Variants in EYS observed in about 807,000 individuals in gnomAD.
The protein encoded by EYS is EGF-like photoreceptor maintenance factor, also known as protein eyes shut homolog.
Under a neutral mutation model 282.1 loss-of-function variants are expected in EYS, and 250 were observed. The ratio of observed to expected loss-of-function variants is 0.89; its 90% CI spans 0.80 to 0.98. EYS has a LOEUF of 0.98. Ranked by LOEUF, EYS falls within the 50% of genes least tolerant of loss-of-function variation. The pLI is 0.00. For synonymous variants in EYS, 1,355 were observed against 1,282.9 expected (o/e 1.06, Z -1.20); for missense variants, 4,016 against 3,709.0 (o/e 1.08, Z -2.15).
At chr6:64,524,116 A>G (rs953028267) in intron 26 of EYS, among the ~76,000 whole-genome samples, 2 of 151,720 alleles carry the variant, frequency 1.3e-5, no homozygotes, top group East Asian at 3.9e-4. Flanking sequence ...ACCATAACCA[A>G]TGCTAATAAC....
Position 65,121,997 on chromosome 6 carries a change from A to T in EYS, c.2024-64270T>A, listed in dbSNP as rs185742587. 8.5e-4 allele frequency among the ~76,000 whole-genome samples: 130 copies of T among 152,264 alleles called. 4 individuals are homozygous for T. The highest frequency in any genetic ancestry group is 8.4e-3 in the Admixed American group (129 of 15,298). ...TGGAAAAAAAGTCATAAAATTTCTT[A>T]TATCATGCCTTATGCCTAATATATT... is the stretch of plus-strand genomic sequence containing the variant. On this transcript the variant is annotated intron_variant, in intron 12 of 42. Coordinates refer to ENST00000503581, the MANE Select transcript of EYS (RefSeq NM_001142800.2).
chr6:64,625,583 T>C (rs564472287), intron 23 of EYS, among the ~76,000 whole-genome samples: 52 of 152,338 alleles, frequency 3.4e-4, no homozygotes, highest in African/African-American at 1.2e-3. Flanking sequence ...TTTACTCTCA[T>C]GACCTAATCA....
chr6:64,537,675 G>A (rs1764568778), intron 26 of EYS, among the ~76,000 whole-genome samples: 1 of 151,962 alleles, frequency 6.6e-6, no homozygotes, highest in Non-Finnish European at 1.5e-5. Flanking sequence ...GTATTTTTTA[G>A]AGACTTCATG....
At chr6:65,694,473 A>T (rs1769365642) in intron 1 of EYS, among the ~76,000 whole-genome samples, 2 of 149,154 alleles carry the variant, frequency 1.3e-5, no homozygotes, top group African/African-American at 4.9e-5. Flanking sequence ...GTATATTTTT[A>T]AAAAGACAAA....
At chr6:65,621,765 T>C (rs889720921) in intron 2 of EYS, among the ~76,000 whole-genome samples, 2 of 152,144 alleles carry the variant, frequency 1.3e-5, no homozygotes, top group African/African-American at 4.8e-5. Context: ...ACAAAATCTC[T>C]CAGCATTTGC....
intron 19 of EYS, among the ~76,000 whole-genome samples, chr6:64,854,280 G>C (rs535126653): frequency 7.2e-5 from 11 of 152,160 alleles, no homozygotes; most frequent in Non-Finnish European, 1.5e-4. Flanking sequence ...AAATCATGCT[G>C]CTATAAAGAC....
chr6:65,500,318 G>A (rs1417540835), intron 2 of EYS, among the ~76,000 whole-genome samples: 1 of 152,018 alleles, frequency 6.6e-6, no homozygotes, highest in East Asian at 1.9e-4. Context: ...AGAGACAAGT[G>A]AAAGAAGGTA....
chr6:64,220,022 G>T (rs537895825), intron 31 of EYS, among the ~76,000 whole-genome samples: 18 of 152,134 alleles, frequency 1.2e-4, no homozygotes, highest in African/African-American at 4.3e-4. Flanking sequence ...CACACACCAG[G>T]GCCTATTGTG....
intron 35 of EYS, among the ~76,000 whole-genome samples, chr6:63,904,292 A>T (rs1461982912): frequency 6.6e-6 from 1 of 152,060 alleles, no homozygotes; most frequent in African/African-American, 2.4e-5. Flanking sequence ...TTTATTTCTC[A>T]TATTCATCTT....
intron 2 of EYS, among the ~76,000 whole-genome samples, chr6:65,586,629 G>A (rs1202434591): frequency 6.6e-6 from 1 of 152,080 alleles, no homozygotes; most frequent in Non-Finnish European, 1.5e-5. Flanking sequence ...GCATAAAGAA[G>A]TGTGTTCATG....
chr6:64,232,766 A>C (rs1358021704), intron 30 of EYS, among the ~76,000 whole-genome samples: 1 of 152,162 alleles, frequency 6.6e-6, no homozygotes, highest in Non-Finnish European at 1.5e-5. Flanking sequence ...TAGCTCCATT[A>C]TGTAACTCTT....
At chr6:64,814,469 A>C (rs1764689394) in intron 21 of EYS, among the ~76,000 whole-genome samples, 1 of 152,030 alleles carries the variant, frequency 6.6e-6, no homozygotes, top group Non-Finnish European at 1.5e-5. Flanking sequence ...CCAAGGGCTC[A>C]GTCAGCCTCT....
chr6:64,778,940 C>T (rs2149991900), intron 22 of EYS, among the ~76,000 whole-genome samples: 1 of 152,182 alleles, frequency 6.6e-6, no homozygotes, highest in African/African-American at 2.4e-5. Context: ...CAAATTAAAA[C>T]ATCACTACAT....
intron 35 of EYS, among the ~76,000 whole-genome samples, chr6:63,891,841 C>G (rs1441783416): frequency 6.6e-6 from 1 of 152,206 alleles, no homozygotes; most frequent in East Asian, 1.9e-4. Context: ...CCCATTGTCT[C>G]AGCCCAAAAT....
chr6:64,028,465 C>T (rs1024531342), intron 33 of EYS, among the ~76,000 whole-genome samples: 1 of 152,194 alleles, frequency 6.6e-6, no homozygotes. Context: ...ATTAATGAGG[C>T]AGTAATTCCT....
chr6:64,388,230 G>T (rs1772976289), intron 29 of EYS, among the ~76,000 whole-genome samples: 1 of 152,034 alleles, frequency 6.6e-6, no homozygotes, highest in African/African-American at 2.4e-5. Flanking sequence ...GAGTGGGCTG[G>T]CATGTGGGAA....
chr6:63,974,461 A>C (rs986113561), intron 35 of EYS, among the ~76,000 whole-genome samples: 3 of 152,022 alleles, frequency 2.0e-5, no homozygotes, highest in African/African-American at 7.2e-5. Flanking sequence ...AAAGGAGAGA[A>C]AAGATAGTTT....
chr6:65,400,878 A>G (rs1430326927), intron 7 of EYS, among the ~76,000 whole-genome samples: 2 of 151,928 alleles, frequency 1.3e-5, no homozygotes, highest in Admixed American at 6.6e-5. Flanking sequence ...TAGTTAAACT[A>G]GTTGGAAGGT....
rs145733301 is a variant in EYS at position 65,455,148 on chromosome 6, C to T, written c.862+35446G>A. Among the ~76,000 whole-genome samples, 318 of 152,156 alleles carry T rather than the reference C, an allele frequency of 2.1e-3. 5 individuals are homozygous for T. In the East Asian group the frequency reaches 0.026, roughly 13 times the overall value. Reference sequence around the variant, plus strand: ...CCATTTGTAAACATGGGATTATGTCCGTTTATTTCTGTCCTCTTTGATTTC... The same window carrying T: ...CCATTTGTAAACATGGGATTATGTCTGTTTATTTCTGTCCTCTTTGATTTC... On this transcript the variant is annotated intron_variant, in intron 5 of 42. Coordinates refer to ENST00000503581, the MANE Select transcript of EYS (RefSeq NM_001142800.2).
Sources: gnomAD v4.1 joint callset for allele counts (sites outside exome capture counted in the v4.1 genomes callset) on GRCh38, gnomAD v4.1.1 for gene constraint, MANE v1.5 for transcripts, NCBI Gene and HGNC (gene_info 2026-07-23, HGNC 2026-07-21) for gene names.